Variants in PRIMPOL observed in about 807,000 individuals in gnomAD.
The protein encoded by PRIMPOL is primase and DNA directed polymerase, also known as DNA-directed primase/polymerase protein.
PRIMPOL carries 54 observed loss-of-function variants against 63.6 expected under a neutral mutation model. The observed-to-expected ratio is 0.85, with a 90% confidence interval of 0.68 to 1.07. The LOEUF (loss-of-function observed/expected upper bound fraction) is 1.07, where lower values mean the gene tolerates loss of function less well. Ranked by LOEUF, PRIMPOL falls within the 50% of genes least tolerant of loss-of-function variation. The pLI is 0.00. For missense variants in PRIMPOL, 610 were observed against 648.3 expected (o/e 0.94, Z 0.64); for synonymous variants, 197 against 220.2 (o/e 0.89, Z 0.93).
chr4:184,655,151 A>G (rs899952465), intron 2 of PRIMPOL, among the ~76,000 whole-genome samples: 4 of 152,018 alleles, frequency 2.6e-5, no homozygotes, highest in African/African-American at 9.7e-5. Flanking sequence ...TTGGGATTAC[A>G]GGTGCCCGCC....
chr4:184,677,085 CTCTCTCTCTGTCTCTT>C (rs1413974751), intron 7 of PRIMPOL, among the ~76,000 whole-genome samples: 3 of 132,896 alleles, frequency 2.3e-5, no homozygotes, highest in Non-Finnish European at 3.2e-5. Flanking sequence ...CTATTTCCAC[CTCTCTCTCTGTCTCTT>C]TCTCTCTCTT....
chr4:184,694,881 A>G lies in PRIMPOL; in HGVS notation c.*102A>G. ...AACCTGTTTATATAAACTAAGTTTT[A>G]TTACTTTGCTTTCCAATTTTTGTTT... is the stretch of plus-strand genomic sequence containing the variant. On this transcript the variant is annotated 3_prime_UTR_variant, in exon 14 of 14. Coordinates refer to ENST00000314970, the MANE Select transcript of PRIMPOL (RefSeq NM_152683.4). The G allele has an allele frequency of 9.6e-7, 1 of 1,036,526 alleles. No homozygotes were observed. The highest frequency in any genetic ancestry group is 1.4e-6 in the Non-Finnish European group (1 of 728,176). 64.2% of individuals were successfully genotyped at this position (1,036,526 alleles called of 1,614,324 possible).
chr4:184,681,495 G>A (rs1482363701), intron 8 of PRIMPOL, among the ~76,000 whole-genome samples: 1 of 151,978 alleles, frequency 6.6e-6, no homozygotes, highest in Non-Finnish European at 1.5e-5. Context: ...TAGTGCACAT[G>A]CTATATAGTT....
chr4:184,672,589 A>T, intron 7 of PRIMPOL, 129 bp downstream of exon 7: 2 of 868,528 alleles, frequency 2.3e-6, no homozygotes, highest in South Asian at 3.5e-5. Flanking sequence ...GCACGATGCA[A>T]CCAGTGAGTT....
intron 6 of PRIMPOL, among the ~76,000 whole-genome samples, chr4:184,666,891 A>G (rs870825): frequency 0.096 from 14,608 of 152,270 alleles, 860 homozygotes; most frequent in Middle Eastern, 0.16. Flanking sequence ...AGTCAGTCCA[A>G]AGGAGAAACA....
chr4:184,690,123 T>A (rs1000445309), intron 11 of PRIMPOL, among the ~76,000 whole-genome samples: 2 of 152,188 alleles, frequency 1.3e-5, no homozygotes, highest in African/African-American at 4.8e-5. Flanking sequence ...TCTTATTTCC[T>A]TTTCTGTAAA....
At chr4:184,661,138 G>T (rs1333345107) in intron 4 of PRIMPOL, among the ~76,000 whole-genome samples, 1 of 151,998 alleles carries the variant, frequency 6.6e-6, no homozygotes, top group Non-Finnish European at 1.5e-5. Flanking sequence ...AAGAAAATTT[G>T]TTTCATGGTG....
At position 184,667,953 on chromosome 4, in the gene PRIMPOL, G is replaced by A. The variant is rs563907479; in HGVS notation, c.556+1889G>A. ...TTGTTACATTTGCAGGCTGGCTGCC[G>A]GTACTTAGATTTATCATGGCTTGAA... On this transcript the variant is annotated intron_variant, in intron 6 of 13. Coordinates refer to ENST00000314970, the MANE Select transcript of PRIMPOL (RefSeq NM_152683.4). Among the ~76,000 whole-genome samples the A allele has an allele frequency of 2.1e-4, 32 of 152,160 alleles. No homozygotes were observed. In the South Asian group the frequency reaches 3.3e-3, roughly 16 times the overall value.
intron 2 of PRIMPOL, among the ~76,000 whole-genome samples, chr4:184,653,508 G>A (rs1350080668): frequency 6.6e-6 from 1 of 152,100 alleles, no homozygotes; most frequent in East Asian, 1.9e-4. Context: ...AACTCTTTGA[G>A]CCCAATCTTT....
intron 6 of PRIMPOL, 25 bp downstream of exon 6, chr4:184,666,089 C>G: frequency 6.4e-7 from 1 of 1,550,644 alleles, no homozygotes; most frequent in South Asian, 1.2e-5. Context: ...TTTTAAAAAT[C>G]ATGGAGTTGT....
intron 2 of PRIMPOL, among the ~76,000 whole-genome samples, 156 bp downstream of exon 2, chr4:184,652,256 C>T (rs182565167): frequency 2.0e-3 from 300 of 152,096 alleles, no homozygotes; most frequent in Non-Finnish European, 2.4e-3. Context: ...GTTTAGACTT[C>T]GTGACGTTAG....
At chr4:184,653,162 A>G (rs1745217327) in intron 2 of PRIMPOL, among the ~76,000 whole-genome samples, 1 of 152,170 alleles carries the variant, frequency 6.6e-6, no homozygotes, top group African/African-American at 2.4e-5. Context: ...TAGGCTAGGA[A>G]GAACCATGGC....
At chr4:184,661,478 A>G (rs1237885040) in intron 4 of PRIMPOL, among the ~76,000 whole-genome samples, 2 of 152,210 alleles carry the variant, frequency 1.3e-5, no homozygotes, top group Admixed American at 1.3e-4. Flanking sequence ...AGGCTGAGGC[A>G]GGTGGATCAC....
At chr4:184,674,360 C>CCCT (rs1752728835) in intron 7 of PRIMPOL, among the ~76,000 whole-genome samples, 1 of 152,130 alleles carries the variant, frequency 6.6e-6, no homozygotes, top group Non-Finnish European at 1.5e-5. Flanking sequence ...AATGAACACC[C>CCCT]CTTGTCACCA....
chr4:184,679,212 T>C (rs1003830752), intron 8 of PRIMPOL, among the ~76,000 whole-genome samples: 1 of 152,248 alleles, frequency 6.6e-6, no homozygotes, highest in African/African-American at 2.4e-5. Flanking sequence ...AATGCCTATG[T>C]AAATTTCCAT....
intron 9 of PRIMPOL, 107 bp downstream of exon 9, chr4:184,682,443 G>C: frequency 1.7e-6 from 1 of 592,884 alleles, no homozygotes; most frequent in Non-Finnish European, 3.1e-6. Flanking sequence ...CCTCCTCCCA[G>C]GCTCAAGCCA....
intron 11 of PRIMPOL, among the ~76,000 whole-genome samples, chr4:184,688,984 T>C (rs183958493): frequency 6.9e-6 from 1 of 145,578 alleles, no homozygotes; most frequent in East Asian, 2.0e-4. Context: ...ATCCATAAAC[T>C]AAAAAAAAAA....
chr4:184,671,994 C>A (rs1438242661), intron 6 of PRIMPOL, among the ~76,000 whole-genome samples, 179 bp from the exon 7 acceptor site: 1 of 152,208 alleles, frequency 6.6e-6, no homozygotes, highest in Non-Finnish European at 1.5e-5. Context: ...CCCGCCTCGG[C>A]CTCCCAAAGT....
intron 9 of PRIMPOL, 124 bp from the exon 10 acceptor site, chr4:184,685,284 AT>A (rs1466718019): frequency 1.5e-6 from 1 of 675,596 alleles, no homozygotes; most frequent in Non-Finnish European, 2.6e-6. Context: ...ATTGACTGAA[AT>A]TGCAAAGAGT....
Sources: allele counts gnomAD v4.1 joint callset (sites outside exome capture counted in the v4.1 genomes callset), GRCh38; gene constraint gnomAD v4.1.1; transcripts MANE v1.5; gene names NCBI Gene and HGNC (gene_info 2026-07-23, HGNC 2026-07-21).